The following E4F1 variants were observed in gnomAD, a reference collection of about 807,000 sequenced individuals.
E4F1 encodes the protein E4F transcription factor 1.
E4F1 carries 30 observed loss-of-function variants against 72.9 expected under a neutral mutation model. That is an observed-to-expected ratio of 0.41 (90% CI 0.31 to 0.56). The LOEUF is 0.56. Ranked by LOEUF, E4F1 falls within the 20% of genes least tolerant of loss-of-function variation. E4F1 has a pLI of 0.25. For synonymous variants in E4F1, 542 were observed against 478.2 expected (o/e 1.13, Z -1.74); for missense variants, 1,091 against 1,117.5 (o/e 0.98, Z 0.34).
At position 2,233,063 on chromosome 16, in the gene E4F1, C is replaced by T. The variant is rs745605953; in HGVS notation, c.936C>T (p.Gly312=). 4 of 1,610,262 alleles carry T rather than the reference C, an allele frequency of 2.5e-6. No homozygotes were observed. The highest frequency in any genetic ancestry group is 1.1e-5 in the South Asian group (1 of 91,034). The part of the protein sequence containing the change: ...GLGTATSSVT[G]EPIETSPVIH... ...GGACAGCCACATCATCGGTGACAGGCGAGCCTATAGAGACTTCACCCGTGA... is the reference window on the plus strand; with the variant it reads ...GGACAGCCACATCATCGGTGACAGGTGAGCCTATAGAGACTTCACCCGTGA... The change falls in exon 7 of 14, where the codon GGC becomes GGT. Residue 312 remains glycine (G), a synonymous_variant. Transcript: ENST00000301727.
chr16:2,228,642 G>A (rs2093447178), intron 2 of E4F1, 119 bp downstream of exon 2: 3 of 1,294,914 alleles, frequency 2.3e-6, no homozygotes, highest in South Asian at 1.4e-5. Context: ...CGGGCAGAGG[G>A]CAGGCACCTG....
At chr16:2,223,950 G>A in intron 1 of E4F1, 180 bp downstream of exon 1, 1 of 1,524,810 alleles carries the variant, frequency 6.6e-7, no homozygotes, top group Non-Finnish European at 8.8e-7. Flanking sequence ...ACCCTCACGG[G>A]CCTCTCCTGC....
rs148945075 is a variant in E4F1 at position 2,229,579 on chromosome 16, G to A, written c.319G>A (p.Ala107Thr). 1 of 1,610,986 alleles carries A rather than the reference G, an allele frequency of 6.2e-7. No homozygotes were observed. Among genetic ancestry groups the A allele is most frequent in the South Asian group, 1.1e-5 (1 of 91,086 alleles). ...TALLGQEVVP[A>T]APGPEEPITV... Reference sequence around the variant, plus strand: ...CTTCCCCCTTTGGCAGGTGGTGCCGGCAGCACCAGGCCCAGAGGAGCCCAT... The same window carrying A: ...CTTCCCCCTTTGGCAGGTGGTGCCGACAGCACCAGGCCCAGAGGAGCCCAT... The change falls in exon 3 of 14, where the codon GCA (alanine) becomes ACA (threonine). Residue 107 changes from alanine to threonine, a missense_variant. Around this residue, in one of 5 missense-constraint regions of E4F1, gnomAD observed 362 missense variants for 358.6 expected, o/e 1.01. Coordinates refer to ENST00000301727, the MANE Select transcript of E4F1 (RefSeq NM_004424.5).
chr16:2,229,442 G>A (rs1055221614), intron 2 of E4F1, 128 bp from the exon 3 acceptor site: 17 of 942,932 alleles, frequency 1.8e-5, no homozygotes, highest in Non-Finnish European at 2.3e-5. Flanking sequence ...TCCCAAGGAC[G>A]TGGACCCAGG....
In E4F1 at chr16:2,233,127, G is replaced by C; in HGVS notation, c.1000G>C (p.Glu334Gln). Residue 334 changes from glutamate (E) to glutamine (Q), a missense_variant, in exon 7 of 14, where the codon GAA (glutamate) becomes CAA (glutamine). Transcript: ENST00000301727. ...VTDAKGTVIH[E>Q]VHVQMQELSL... ...AGATGCCAAGGGCACCGTCATCCAC[G>C]AAGTCCACGTCCAGATGCAGGAGCT... is the stretch of plus-strand genomic sequence containing the variant. 6.2e-7 allele frequency: 1 copy of C among 1,612,486 alleles called. No homozygotes were observed. The highest frequency in any genetic ancestry group is 8.5e-7 in the Non-Finnish European group (1 of 1,179,438).
rs147019267 is a variant in E4F1, at chr16:2,229,624, G to A, written c.364G>A (p.Val122Met). 3.2e-4 allele frequency: 523 copies of A among 1,612,790 alleles called. No individual in the cohort carries two copies. Among genetic ancestry groups the A allele is most frequent in the Non-Finnish European group, 4.3e-4 (509 of 1,180,002 alleles). The change falls in exon 3 of 14, where the codon GTG (valine) becomes ATG (methionine). Residue 122 changes from valine to methionine, a missense_variant. By Grantham distance (21) the Val-to-Met change is conservative (BLOSUM62 1). Transcript: ENST00000301727. ...GCCCATCACTGTGGCCCACATCGTG[G>A]TGGAGGCGGCCTCTCTGGCAGCAGA... The part of the protein sequence containing the change: ...EEPITVAHIV[V>M]EAASLAADIS...
chr16:2,233,561 C>A lies in E4F1; in HGVS notation c.1180C>A (p.Pro394Thr). Residue 394 changes from proline to threonine, a missense_variant, in exon 8 of 14, where the codon CCA becomes ACA. Coordinates refer to ENST00000301727, the MANE Select transcript of E4F1 (RefSeq NM_004424.5). The stretch of plus-strand genomic sequence containing the variant: ...TGCTGGGGAGGAGGGTGCCCTGGAG[C>A]CAGCTCCTGCTGCCGGGTCCAGTCC... ...RAAGEEGALEPAPAAGSSPQP... is the reference protein window; with the variant it reads ...RAAGEEGALETAPAAGSSPQP... 6.6e-7 allele frequency: 1 copy of A among 1,510,172 alleles called. No homozygotes were observed. The allele number at this position is 1,510,172 out of a possible 1,614,324, so 93.5% of individuals were successfully genotyped here.
At chr16:2,224,025 G>A in intron 1 of E4F1, 2 of 1,395,852 alleles carry the variant, frequency 1.4e-6, no homozygotes, top group South Asian at 1.5e-5. Context: ...CTGAGCCCCC[G>A]GGCGCCCGGT....
intron 3 of E4F1, 84 bp downstream of exon 3, chr16:2,229,759 G>A (rs1032155153): frequency 2.0e-5 from 29 of 1,452,478 alleles, no homozygotes; most frequent in South Asian, 1.3e-4. Flanking sequence ...CTGTATGCTC[G>A]TCTCTCCCGA....
rs754829654 is a variant in E4F1 at position 2,229,614 on chromosome 16, C to T, written c.354C>T (p.Ala118=). The T allele has an allele frequency of 6.8e-6, 11 of 1,612,776 alleles. No individual in the cohort carries two copies. In the East Asian group the frequency reaches 2.2e-4, roughly 33 times the overall value. ...GCCCAGAGGAGCCCATCACTGTGGCCCACATCGTGGTGGAGGCGGCCTCTC... is the reference window on the plus strand; with the variant it reads ...GCCCAGAGGAGCCCATCACTGTGGCTCACATCGTGGTGGAGGCGGCCTCTC... The part of the protein sequence containing the change: ...APGPEEPITV[A]HIVVEAASLA... Residue 118 remains alanine, a synonymous_variant, in exon 3 of 14, where the codon GCC becomes GCT. Transcript: ENST00000301727.
chr16:2,233,911 CA>C lies in E4F1; in HGVS notation c.1297del (p.Arg433GlyfsTer158). 6.2e-7 allele frequency: 1 copy of C among 1,602,102 alleles called. No homozygotes were observed. Among genetic ancestry groups the C allele is most frequent in the Non-Finnish European group, 8.5e-7 (1 of 1,174,882 alleles). On this transcript the variant is annotated frameshift_variant, in exon 9 of 14. Coordinates refer to ENST00000301727, the MANE Select transcript of E4F1 (RefSeq NM_004424.5). LOFTEE classifies it high-confidence loss of function. ...QVASEASAVP[R>X]THPCPQCSET... ...TGGCCAGCGAGGCCTCAGCGGTGCC[CA>C]GGACCCACCCATGTCCTCAGTGCAG...
intron 1 of E4F1, among the ~76,000 whole-genome samples, chr16:2,226,819 C>T (rs1055986276): frequency 1.8e-4 from 28 of 152,210 alleles, no homozygotes; most frequent in Non-Finnish European, 2.9e-5. Context: ...CTCTTCTGCA[C>T]GACCGGGGTC....
Position 2,228,356 on chromosome 16 carries a change from A to G in E4F1, c.158-16A>G, listed in dbSNP as rs780679293. The G allele has an allele frequency of 1.2e-6, 2 of 1,613,430 alleles. No individual in the cohort carries two copies. Among genetic ancestry groups the G allele is most frequent in the African/African-American group, 1.3e-5 (1 of 74,948 alleles). On this transcript the variant is annotated splice_polypyrimidine_tract_variant and intron_variant, in intron 1 of 13. Coordinates refer to ENST00000301727, the MANE Select transcript of E4F1 (RefSeq NM_004424.5). ...CTCCGCCTTCCCAGGCCCTGCTGAC[A>G]GCAGGCTCGTTGCAGATGAGGACGA...
chr16:2,225,504 T>G (rs2093425780), intron 1 of E4F1, among the ~76,000 whole-genome samples: 2 of 149,472 alleles, frequency 1.3e-5, no homozygotes, highest in African/African-American at 4.9e-5. Context: ...ACGGCGTTTC[T>G]CTCTTGTTGC....
intron 1 of E4F1, among the ~76,000 whole-genome samples, chr16:2,227,074 C>T (rs2141438904): frequency 6.6e-6 from 1 of 152,264 alleles, no homozygotes; most frequent in Middle Eastern, 3.4e-3. Context: ...AGGGTCTTGC[C>T]CTGTTGCCCT....
chr16:2,233,801 G>T, intron 8 of E4F1, 81 bp from the exon 9 acceptor site: 3 of 1,437,052 alleles, frequency 2.1e-6, no homozygotes, highest in Non-Finnish European at 2.8e-6. Flanking sequence ...AGCCTGCCAG[G>T]GTGGGGCCCA....
chr16:2,234,322 C>G lies in E4F1; in HGVS notation c.1527C>G (p.His509Gln). The change falls in exon 10 of 14, where the codon CAC becomes CAG. Residue 509 changes from histidine to glutamine, a missense_variant. Coordinates refer to ENST00000301727, the MANE Select transcript of E4F1 (RefSeq NM_004424.5). The part of the protein sequence containing the change: ...LYKTIAHVRG[H>Q]RRVHSDERPY... Reference sequence around the variant, plus strand: ...AGACCATTGCCCATGTGCGTGGCCACCGGCGCGTCCACTCAGACGAGCGGC... The same window carrying G: ...AGACCATTGCCCATGTGCGTGGCCAGCGGCGCGTCCACTCAGACGAGCGGC... 6.2e-7 allele frequency: 1 copy of G among 1,612,986 alleles called. No individual in the cohort carries two copies. Among genetic ancestry groups the G allele is most frequent in the Non-Finnish European group, 8.5e-7 (1 of 1,179,996 alleles).
intron 13 of E4F1, 25 bp downstream of exon 13, chr16:2,235,168 G>A (rs577126270): frequency 1.9e-5 from 30 of 1,610,910 alleles, no homozygotes; most frequent in African/African-American, 1.1e-4. Context: ...AGGCGGGGGC[G>A]GGGAGGCTCC....
chr16:2,232,316 C>A lies in E4F1; in HGVS notation c.561C>A (p.Asn187Lys). The A allele has an allele frequency of 6.2e-7, 1 of 1,609,730 alleles. No homozygotes were observed. The highest frequency in any genetic ancestry group is 8.5e-7 in the Non-Finnish European group (1 of 1,178,220). Residue 187 changes from asparagine (N) to lysine (K), a missense_variant, in exon 4 of 14, where the codon AAC becomes AAA. By Grantham distance (94) the Asn-to-Lys change is moderately conservative. Coordinates refer to ENST00000301727, the MANE Select transcript of E4F1 (RefSeq NM_004424.5). ...GEQAQVKLLVNKDGRYVCALC... is the reference protein window; with the variant it reads ...GEQAQVKLLVKKDGRYVCALC... ...AGGCCCAGGTGAAGCTACTGGTGAA[C>A]AAGGATGGCCGCTATGTGTGTGCGC...
Sources: allele counts gnomAD v4.1 joint callset (sites outside exome capture counted in the v4.1 genomes callset), GRCh38; gene constraint gnomAD v4.1.1; regional missense constraint gnomAD v4.1.1; transcripts MANE v1.5; gene names NCBI Gene and HGNC (gene_info 2026-07-23, HGNC 2026-07-21).